ADGRL3: variants seen among roughly 807,000 people sequenced by gnomAD.
ADGRL3 encodes the protein calcium-independent alpha-latrotoxin receptor 3.
ADGRL3 carries 62 observed loss-of-function variants against 153.5 expected under a neutral mutation model. The ratio of observed to expected loss-of-function variants is 0.40; its 90% CI spans 0.33 to 0.50. The LOEUF is 0.50. ADGRL3 is among the 20% of genes least tolerant of loss of function. The probability of loss-of-function intolerance (pLI) is 0.47; values close to 1 mark genes in which losing one functional copy is unlikely to be tolerated. For synonymous variants in ADGRL3, 710 were observed against 672.5 expected (o/e 1.06, Z -0.86); for missense variants, 1,641 against 1,859.4 (o/e 0.88, Z 2.16).
At chr4:61,676,678 A>T (rs1056256540) in intron 5 of ADGRL3, 148 bp from the exon 6 acceptor site, 2 of 619,302 alleles carry the variant, frequency 3.2e-6, no homozygotes, top group African/African-American at 3.7e-5. Flanking sequence ...TGTACTACAG[A>T]TATTTTCTTA....
chr4:61,980,599 C>T (rs1262341732), intron 18 of ADGRL3, among the ~76,000 whole-genome samples: 1 of 151,814 alleles, frequency 6.6e-6, no homozygotes, highest in African/African-American at 2.4e-5. Flanking sequence ...GCCACCAAGC[C>T]CAGCTAATTT....
chr4:61,960,896 G>C (rs948665699), intron 17 of ADGRL3, among the ~76,000 whole-genome samples: 1 of 152,188 alleles, frequency 6.6e-6, no homozygotes, highest in South Asian at 2.1e-4. Context: ...TTTTAGTAGA[G>C]ATGAGGTTTC....
intron 1 of ADGRL3, among the ~76,000 whole-genome samples, chr4:61,273,103 C>A (rs1241083438): frequency 1.3e-5 from 2 of 152,186 alleles, no homozygotes. Flanking sequence ...ATGCTTAATA[C>A]AATTTCTGAG....
At chr4:61,661,261 A>AT (rs570331459) in intron 5 of ADGRL3, among the ~76,000 whole-genome samples, 9 of 152,178 alleles carry the variant, frequency 5.9e-5, no homozygotes, top group Non-Finnish European at 1.0e-4. Context: ...CACATATTGC[A>AT]TTTTTTTAAT....
At chr4:61,421,207 G>A (rs1334776108) in intron 2 of ADGRL3, among the ~76,000 whole-genome samples, 1 of 152,156 alleles carries the variant, frequency 6.6e-6, no homozygotes. Context: ...GGTGGCGGAC[G>A]CCTGTAGTCC....
At chr4:61,696,670 C>CTTTTTTTTTTTTTT (rs34306284) in intron 6 of ADGRL3, among the ~76,000 whole-genome samples, 7 of 102,016 alleles carry the variant, frequency 6.9e-5, no homozygotes, top group Non-Finnish European at 1.1e-4. Context: ...TTTTTTTAAC[C>CTTTTTTTTTTTTTT]TTTTTTTTTT....
chr4:62,075,675 ATCAT>A lies in ADGRL3; in HGVS notation c.*4769_*4772del, dbSNP rs1433079606. ...TATAGCTTATATTAGATTTCTGCAC[ATCAT>A]TAAATTACGAAGATGGCACAAAAGC... On this transcript the variant is annotated 3_prime_UTR_variant, in exon 27 of 27. Transcript: ENST00000683033. 1 of 152,182 alleles carries A rather than the reference ATCAT, an allele frequency of 6.6e-6. No homozygotes were observed. Among genetic ancestry groups the A allele is most frequent in the Non-Finnish European group, 1.5e-5 (1 of 68,036 alleles). The allele number at this position is 152,182 out of a possible 1,614,324, so 9.4% of individuals were successfully genotyped here. A position where few individuals can be genotyped will look rare whatever the true frequency, so the allele number is the denominator to read the frequency against.
At chr4:61,252,317 A>G (rs1560385419) in intron 1 of ADGRL3, among the ~76,000 whole-genome samples, 2 of 152,322 alleles carry the variant, frequency 1.3e-5, no homozygotes, top group East Asian at 1.9e-4. Flanking sequence ...ATAAGGAACA[A>G]CAGGAGGTAA....
chr4:61,273,991 C>T (rs561281894), intron 1 of ADGRL3, among the ~76,000 whole-genome samples: 9 of 152,040 alleles, frequency 5.9e-5, no homozygotes, highest in African/African-American at 2.2e-4. Context: ...CTTTGGCAAT[C>T]CCATTTATAA....
chr4:61,476,734 A>C (rs1024346475), intron 2 of ADGRL3, among the ~76,000 whole-genome samples: 2 of 148,572 alleles, frequency 1.3e-5, no homozygotes, highest in African/African-American at 2.5e-5. Flanking sequence ...AAAAAAAAAA[A>C]AAAACAAAAA....
At chr4:62,042,138 T>C (rs2151646250) in intron 24 of ADGRL3, among the ~76,000 whole-genome samples, 1 of 152,140 alleles carries the variant, frequency 6.6e-6, no homozygotes, top group Non-Finnish European at 1.5e-5. Flanking sequence ...ACATACACTA[T>C]GTATGTATAT....
At chr4:61,869,963 AGAGAGAG>A (rs2098431492) in intron 9 of ADGRL3, among the ~76,000 whole-genome samples, 24 of 93,512 alleles carry the variant, frequency 2.6e-4, no homozygotes, top group African/African-American at 5.1e-4. Context: ...AAAAAAAAAG[AGAGAGAG>A]AGAGAAAGAG....
chr4:61,825,785 A>G (rs1211105541), intron 9 of ADGRL3, among the ~76,000 whole-genome samples: 3 of 152,222 alleles, frequency 2.0e-5, no homozygotes, highest in Admixed American at 2.0e-4. Flanking sequence ...TAAATTATTC[A>G]TGACATGTGG....
intron 6 of ADGRL3, among the ~76,000 whole-genome samples, chr4:61,692,616 G>C (rs139494503): frequency 1.5e-3 from 234 of 151,848 alleles, no homozygotes; most frequent in African/African-American, 5.5e-3. Flanking sequence ...GCTAATTTTT[G>C]TATTTGTAGT....
chr4:62,043,028 A>C (rs906687004), intron 24 of ADGRL3, among the ~76,000 whole-genome samples: 2 of 152,134 alleles, frequency 1.3e-5, no homozygotes, highest in African/African-American at 4.8e-5. Flanking sequence ...AGACATCTAC[A>C]TTACTGCAGG....
chr4:61,543,419 A>G (rs1044068020), intron 4 of ADGRL3, among the ~76,000 whole-genome samples: 1 of 152,178 alleles, frequency 6.6e-6, no homozygotes, highest in Non-Finnish European at 1.5e-5. Context: ...AGGAGCTTCT[A>G]AAAGCTAGAA....
intron 1 of ADGRL3, among the ~76,000 whole-genome samples, chr4:61,233,533 A>G (rs1454703647): frequency 3.3e-5 from 5 of 152,168 alleles, no homozygotes; most frequent in Non-Finnish European, 5.9e-5. Flanking sequence ...GCAGTCGAGG[A>G]GGCTTCATTG....
At chr4:61,569,323 T>C (rs1444990859) in intron 4 of ADGRL3, among the ~76,000 whole-genome samples, 4 of 152,134 alleles carry the variant, frequency 2.6e-5, no homozygotes, top group Admixed American at 2.0e-4. Flanking sequence ...TTCAGCTGGG[T>C]TTTATAGTAT....
chr4:61,853,650 G>A (rs191049430), intron 9 of ADGRL3, among the ~76,000 whole-genome samples: 2 of 152,302 alleles, frequency 1.3e-5, no homozygotes, highest in East Asian at 3.9e-4. Flanking sequence ...TGTGTCCTCA[G>A]TCTCTTACCC....
Sources: allele counts gnomAD v4.1 joint callset (sites outside exome capture counted in the v4.1 genomes callset), GRCh38; gene constraint gnomAD v4.1.1; transcripts MANE v1.5; gene names NCBI Gene and HGNC (gene_info 2026-07-23, HGNC 2026-07-21).